Variants in TBC1D31 observed in about 807,000 individuals in gnomAD.
The protein encoded by TBC1D31 is TBC1 domain family member 31.
TBC1D31 carries 99 observed loss-of-function variants against 132.9 expected under a neutral mutation model. That is an observed-to-expected ratio of 0.74 (90% CI 0.63 to 0.88). The LOEUF (loss-of-function observed/expected upper bound fraction) is 0.88. Among genes scored for constraint, TBC1D31 ranks in the 40% least tolerant of loss-of-function variants. The probability of loss-of-function intolerance (pLI) is 0.00; values close to 1 mark genes in which losing one functional copy is unlikely to be tolerated. For missense variants in TBC1D31, 1,134 were observed against 1,256.6 expected (o/e 0.90, Z 1.48); for synonymous variants, 385 against 419.4 (o/e 0.92, Z 1.00).
intron 4 of TBC1D31, among the ~76,000 whole-genome samples, chr8:123,088,620 C>T (rs1586577559): frequency 6.6e-6 from 1 of 152,196 alleles, no homozygotes. Flanking sequence ...AACGTTAATT[C>T]TTACCAAATT....
the TBC1D31 span, among the ~76,000 whole-genome samples, chr8:123,160,064 G>T: frequency 1.3e-5 from 2 of 152,176 alleles, no homozygotes; most frequent in Non-Finnish European, 2.9e-5. Context: ...TCTTGACTCA[G>T]ATTTCCTTAG....
Position 123,152,010 on chromosome 8 carries a change from T to G in TBC1D31, c.*71T>G. The G allele has an allele frequency of 7.7e-7, 1 of 1,303,984 alleles. No individual in the cohort carries two copies. Among genetic ancestry groups the G allele is most frequent in the Non-Finnish European group, 1.0e-6 (1 of 1,002,244 alleles). 80.8% of individuals were successfully genotyped at this position (1,303,984 alleles called of 1,614,324 possible). A position where few individuals can be genotyped will look rare whatever the true frequency, so the allele number is the denominator to read the frequency against. On this transcript the variant is annotated 3_prime_UTR_variant, in exon 22 of 22. Coordinates refer to ENST00000287380, the MANE Select transcript of TBC1D31 (RefSeq NM_145647.4). ...ATCAGTGACATTGATTTTTAGATTA[T>G]TTATTTAAAATTCCTATAAAGATCA... is the stretch of plus-strand genomic sequence containing the variant.
chr8:123,143,319 A>G (rs139826054), intron 19 of TBC1D31, among the ~76,000 whole-genome samples: 8 of 152,360 alleles, frequency 5.3e-5, no homozygotes, highest in African/African-American at 1.9e-4. Context: ...AATAAAATTA[A>G]GATTCTGTTC....
the TBC1D31 span, among the ~76,000 whole-genome samples, chr8:123,160,480 G>C: frequency 9.7e-4 from 148 of 152,122 alleles, no homozygotes; most frequent in Non-Finnish European, 7.2e-4. Flanking sequence ...AGAGAGAAAG[G>C]GGGCAGGGGA....
At chr8:123,081,464 C>T (rs1328799265) in intron 2 of TBC1D31, among the ~76,000 whole-genome samples, 1 of 152,084 alleles carries the variant, frequency 6.6e-6, no homozygotes, top group African/African-American at 2.4e-5. Context: ...ATATGAAGCA[C>T]ATGTAAAATT....
chr8:123,083,423 T>C (rs924898622), intron 3 of TBC1D31: 1 of 152,178 alleles, frequency 6.6e-6, no homozygotes, highest in African/African-American at 2.4e-5. Flanking sequence ...ATTATTTTTT[T>C]TTATTTTTTA....
chr8:123,143,801 C>A (rs1226995289), intron 19 of TBC1D31, among the ~76,000 whole-genome samples: 1 of 152,186 alleles, frequency 6.6e-6, no homozygotes, highest in Non-Finnish European at 1.5e-5. Flanking sequence ...CTCACATTCT[C>A]ATCCTAAACA....
In TBC1D31 at chr8:123,105,356, G is replaced by A; in HGVS notation, c.1101G>A (p.Lys367=). 2 of 1,610,874 alleles carry A rather than the reference G, an allele frequency of 1.2e-6. No individual in the cohort carries two copies. Among genetic ancestry groups the A allele is most frequent in the Non-Finnish European group, 8.5e-7 (1 of 1,178,250 alleles). The change falls in exon 8 of 22, where the codon AAG becomes AAA. Residue 367 remains lysine, a synonymous_variant. Transcript: ENST00000287380. ...ATAAACTGAGTTCCAGTGATCTTAA[G>A]ATGAAAGTAACATCAGGGAGAGTAC... The part of the protein sequence containing the change: ...PKNKLSSSDL[K]MKVTSGRVQQ...
chr8:123,082,670 T>C, intron 2 of TBC1D31, 32 bp from the exon 3 acceptor site: 1 of 1,434,076 alleles, frequency 7.0e-7, no homozygotes, highest in Non-Finnish European at 9.6e-7. Flanking sequence ...ATTGGAAGAA[T>C]TTGTGATACT....
chr8:123,078,022 C>G (rs956664766), intron 2 of TBC1D31, among the ~76,000 whole-genome samples: 2 of 151,796 alleles, frequency 1.3e-5, no homozygotes, highest in Non-Finnish European at 2.9e-5. Context: ...CCACTGCACT[C>G]TAGCCTGGGC....
In TBC1D31 at chr8:123,084,241, T is replaced by C; in HGVS notation, c.420T>C (p.Tyr140=). Residue 140 remains tyrosine, a synonymous_variant, in exon 4 of 22, where the codon TAT becomes TAC. Coordinates refer to ENST00000287380, the MANE Select transcript of TBC1D31 (RefSeq NM_145647.4). ...TCTCTGTGCATGCATCAGGGAAATA[T>C]GCCATCACAACTTCTTCTGATACAG... ...FSISVHASGK[Y]AITTSSDTAQ... is the part of the protein sequence containing the mutation. 2.5e-6 allele frequency: 4 copies of C among 1,614,158 alleles called. No homozygotes were observed. The highest frequency in any genetic ancestry group is 3.4e-6 in the Non-Finnish European group (4 of 1,180,000).
chr8:123,144,702 T>C lies in TBC1D31; in HGVS notation c.2836-15T>C, dbSNP rs958796090. The C allele has an allele frequency of 2.1e-5, 34 of 1,593,846 alleles. No homozygotes were observed. Among genetic ancestry groups the C allele is most frequent in the Non-Finnish European group, 2.8e-5 (33 of 1,174,244 alleles). On this transcript the variant is annotated splice_polypyrimidine_tract_variant and intron_variant, in intron 19 of 21. Transcript: ENST00000287380. The stretch of plus-strand genomic sequence containing the variant: ...ACTTTTTATGTAATCTTTTTTTCCA[T>C]TTATTTGAATTTAGTGGAAGGAAGC...
intron 14 of TBC1D31, among the ~76,000 whole-genome samples, chr8:123,128,720 C>CA (rs1472022268): frequency 6.6e-6 from 1 of 151,898 alleles, no homozygotes; most frequent in Non-Finnish European, 1.5e-5. Flanking sequence ...ACTAAAGATA[C>CA]AAAAAATTAG....
chr8:123,159,217 C>T, the TBC1D31 span, among the ~76,000 whole-genome samples: 1 of 143,644 alleles, frequency 7.0e-6, no homozygotes, highest in African/African-American at 2.6e-5. Context: ...AGCTACCCAA[C>T]ATATTAACTC....
intron 4 of TBC1D31, among the ~76,000 whole-genome samples, chr8:123,087,884 C>A (rs1195339530): frequency 6.6e-6 from 1 of 152,154 alleles, no homozygotes; most frequent in Admixed American, 6.5e-5. Flanking sequence ...GTAAATTGCT[C>A]TAAAATAATA....
downstream of TBC1D31, among the ~76,000 whole-genome samples, chr8:123,156,412 G>T (rs992377727): frequency 7.8e-5 from 11 of 140,684 alleles, no homozygotes; most frequent in Admixed American, 4.5e-4. Context: ...CTACAGTCCA[G>T]CCTGGGCAAC....
downstream of TBC1D31, among the ~76,000 whole-genome samples, chr8:123,154,828 G>A (rs753410150): frequency 2.0e-5 from 3 of 152,198 alleles, no homozygotes; most frequent in African/African-American, 2.4e-5. Context: ...CCATGCACAC[G>A]CACCACTGGT....
At chr8:123,096,529 T>C (rs560744125) in intron 5 of TBC1D31, among the ~76,000 whole-genome samples, 3 of 152,198 alleles carry the variant, frequency 2.0e-5, no homozygotes, top group African/African-American at 4.8e-5. Flanking sequence ...TATTTTATAG[T>C]TCTATATAGA....
At chr8:123,106,257 C>T (rs1303783996) in intron 8 of TBC1D31, among the ~76,000 whole-genome samples, 3 of 152,142 alleles carry the variant, frequency 2.0e-5, no homozygotes, top group Admixed American at 6.6e-5. Context: ...AGTAGCATGA[C>T]GAAATCTCCT....
Sources: gnomAD v4.1 joint callset for allele counts (sites outside exome capture counted in the v4.1 genomes callset) on GRCh38, gnomAD v4.1.1 for gene constraint, MANE v1.5 for transcripts, NCBI Gene and HGNC (gene_info 2026-07-23, HGNC 2026-07-21) for gene names.